The following KCTD16 variants were observed in gnomAD, a reference collection of about 807,000 sequenced individuals.
The protein encoded by KCTD16 is potassium channel tetramerization domain containing 16.
KCTD16 carries 13 observed loss-of-function variants against 33.2 expected under a neutral mutation model. That is an observed-to-expected ratio of 0.39 (90% CI 0.25 to 0.62). KCTD16 has a LOEUF of 0.62. Among genes scored for constraint, KCTD16 ranks in the 20% least tolerant of loss-of-function variants. The pLI is 0.50. For synonymous variants in KCTD16, 197 were observed against 195.3 expected (o/e 1.01, Z -0.07); for missense variants, 441 against 525.1 (o/e 0.84, Z 1.57).
At chr5:144,382,900 C>T (rs1167352583) in intron 3 of KCTD16, among the ~76,000 whole-genome samples, 1 of 152,176 alleles carries the variant, frequency 6.6e-6, no homozygotes, top group Non-Finnish European at 1.5e-5. Context: ...ATTGCTTTGC[C>T]CAACTTGTGC....
chr5:144,305,146 AC>A (rs1751566610), intron 3 of KCTD16, among the ~76,000 whole-genome samples: 1 of 152,000 alleles, frequency 6.6e-6, no homozygotes, highest in South Asian at 2.1e-4. Context: ...CCCTCTCTTA[AC>A]CTCAATCCCA....
intron 2 of KCTD16, among the ~76,000 whole-genome samples, chr5:144,180,262 A>G (rs1262502496): frequency 6.6e-6 from 1 of 152,190 alleles, no homozygotes; most frequent in African/African-American, 2.4e-5. Context: ...ATGGGATTAG[A>G]CACTGAGGGA....
At chr5:144,473,460 A>G (rs1460248692) in intron 3 of KCTD16, among the ~76,000 whole-genome samples, 200 bp from the exon 4 acceptor site, 2 of 152,140 alleles carry the variant, frequency 1.3e-5, no homozygotes. Context: ...ATAGCATGCC[A>G]TCATTAATTT....
intron 3 of KCTD16, among the ~76,000 whole-genome samples, chr5:144,209,684 G>C (rs1308339133): frequency 6.6e-6 from 1 of 151,636 alleles, no homozygotes; most frequent in East Asian, 1.9e-4. Flanking sequence ...TTGTGCTCGG[G>C]TTAATGGGAC....
intron 3 of KCTD16, among the ~76,000 whole-genome samples, chr5:144,385,833 AG>A (rs904800686): frequency 2.2e-4 from 33 of 152,176 alleles, no homozygotes; most frequent in Non-Finnish European, 1.5e-5. Context: ...CCTTAAAAAA[AG>A]AAGTGGTTCC....
chr5:144,182,314 A>G (rs1752642632), intron 2 of KCTD16, among the ~76,000 whole-genome samples: 1 of 152,202 alleles, frequency 6.6e-6, no homozygotes, highest in Non-Finnish European at 1.5e-5. Context: ...CAGAATGATA[A>G]GCCAAATAAA....
chr5:144,390,439 G>T (rs1385118994), intron 3 of KCTD16, among the ~76,000 whole-genome samples: 2 of 152,118 alleles, frequency 1.3e-5, no homozygotes, highest in Non-Finnish European at 2.9e-5. Flanking sequence ...GAGCTGGGGG[G>T]TCAGGCTCTT....
At chr5:144,423,434 T>A (rs1753254164) in intron 3 of KCTD16, among the ~76,000 whole-genome samples, 1 of 152,090 alleles carries the variant, frequency 6.6e-6, no homozygotes, top group Admixed American at 6.6e-5. Flanking sequence ...GACTTCTTAG[T>A]CTAGGTTACG....
At chr5:144,396,136 A>C (rs1377701679) in intron 3 of KCTD16, among the ~76,000 whole-genome samples, 2 of 152,084 alleles carry the variant, frequency 1.3e-5, no homozygotes, top group Non-Finnish European at 2.9e-5. Context: ...ATTTTCTCCC[A>C]CTTTGCCTGT....
Position 144,216,899 on chromosome 5 carries a change from T to C in KCTD16, c.832+9353T>C, listed in dbSNP as rs910818512. Among the ~76,000 whole-genome samples, 11 of 151,718 alleles carry C rather than the reference T, an allele frequency of 7.3e-5. No individual in the cohort carries two copies. In the East Asian group the frequency reaches 2.1e-3, roughly 29 times the overall value. ...AGACTCTCAGGCTGTTTGGCTGTTT[T>C]AGACAACATTGTGGACTGTCCAGGT... is the stretch of plus-strand genomic sequence containing the variant. On this transcript the variant is annotated intron_variant, in intron 3 of 3. Transcript: ENST00000512467.
At chr5:144,294,197 C>T (rs1755974257) in intron 3 of KCTD16, among the ~76,000 whole-genome samples, 2 of 152,140 alleles carry the variant, frequency 1.3e-5, no homozygotes, top group East Asian at 1.9e-4. Flanking sequence ...CAAAAAACCA[C>T]AGCGTTTTTT....
chr5:144,254,791 ACT>A (rs1345009859), intron 3 of KCTD16, among the ~76,000 whole-genome samples: 1 of 150,728 alleles, frequency 6.6e-6, no homozygotes, highest in Non-Finnish European at 1.5e-5. Flanking sequence ...TTTTTTAATC[ACT>A]CTGTCATCCA....
intron 3 of KCTD16, among the ~76,000 whole-genome samples, chr5:144,432,265 T>TA (rs1441895598): frequency 6.6e-6 from 1 of 152,180 alleles, no homozygotes. Context: ...ATGGGATTAC[T>TA]AGTGTTTAGC....
chr5:144,255,542 T>G (rs777243360), intron 3 of KCTD16, among the ~76,000 whole-genome samples: 1 of 152,240 alleles, frequency 6.6e-6, no homozygotes, highest in Non-Finnish European at 1.5e-5. Context: ...TGAAATTATG[T>G]CTCACTATGG....
chr5:144,442,548 CCTT>C (rs1466521124), intron 3 of KCTD16, among the ~76,000 whole-genome samples: 1 of 150,334 alleles, frequency 6.7e-6, no homozygotes, highest in Non-Finnish European at 1.5e-5. Context: ...ACTTTTCCTT[CCTT>C]CTTTTCTCCC....
intron 3 of KCTD16, among the ~76,000 whole-genome samples, chr5:144,260,816 T>C (rs1300765889): frequency 6.6e-6 from 1 of 152,160 alleles, no homozygotes; most frequent in Admixed American, 6.6e-5. Flanking sequence ...TGTCTTATAT[T>C]TGAGTCTCTA....
chr5:144,386,875 G>C (rs998517570), intron 3 of KCTD16, among the ~76,000 whole-genome samples: 2 of 152,188 alleles, frequency 1.3e-5, no homozygotes, highest in African/African-American at 4.8e-5. Flanking sequence ...GAGAGTACTT[G>C]GTAAGCTTTA....
At chr5:144,338,280 A>G (rs185642269) in intron 3 of KCTD16, among the ~76,000 whole-genome samples, 140 of 152,318 alleles carry the variant, frequency 9.2e-4, no homozygotes, top group African/African-American at 3.2e-3. Flanking sequence ...AAATATAAAT[A>G]TGCATATTAA....
At chr5:144,299,146 ATATTTTT>A (rs1270035328) in intron 3 of KCTD16, among the ~76,000 whole-genome samples, 2 of 10,298 alleles carry the variant, frequency 1.9e-4, no homozygotes, top group Non-Finnish European at 2.9e-4. Flanking sequence ...ATATATATAT[ATATTTTT>A]TTTTTTTTTT....
Sources: gnomAD v4.1 joint callset for allele counts (sites outside exome capture counted in the v4.1 genomes callset) on GRCh38, gnomAD v4.1.1 for gene constraint, MANE v1.5 for transcripts, NCBI Gene and HGNC (gene_info 2026-07-23, HGNC 2026-07-21) for gene names.